The following ANKRD28 variants were observed in gnomAD, a reference collection of about 807,000 sequenced individuals.
ANKRD28 encodes the protein serine/threonine-protein phosphatase 6 regulatory ankyrin repeat subunit A.
In ANKRD28, 44 loss-of-function variants were observed where a neutral mutation model predicts 126.5. The ratio of observed to expected loss-of-function variants is 0.35; its 90% CI spans 0.27 to 0.45. The LOEUF (loss-of-function observed/expected upper bound fraction) is 0.45, where lower values mean the gene tolerates loss of function less well. Ranked by LOEUF, ANKRD28 falls within the 20% of genes least tolerant of loss-of-function variation. The pLI is 1.00. For missense variants in ANKRD28, 1,110 were observed against 1,316.6 expected, an observed-to-expected ratio of 0.84 and a Z score of 2.43; for synonymous variants, 442 against 468.5, an observed-to-expected ratio of 0.94 and a Z score of 0.73.
chr3:15,848,688 AT>A (rs1382317481), intron 1 of ANKRD28, among the ~76,000 whole-genome samples: 8 of 152,042 alleles, frequency 5.3e-5, no homozygotes, highest in South Asian at 2.1e-4. Context: ...AAAAAAAAAA[AT>A]ATAGCAGCAG....
At chr3:15,676,844 T>C in intron 26 of ANKRD28, 130 bp downstream of exon 26, 3 of 652,778 alleles carry the variant, frequency 4.6e-6, no homozygotes, top group South Asian at 2.4e-5. Flanking sequence ...GTTTTGACAG[T>C]TGTAAAACTA....
intron 7 of ANKRD28, among the ~76,000 whole-genome samples, chr3:15,721,479 A>T (rs1221553700): frequency 6.6e-6 from 1 of 152,212 alleles, no homozygotes; most frequent in Non-Finnish European, 1.5e-5. Flanking sequence ...TTATAATCAT[A>T]AAAAATGAAC....
chr3:15,682,563 T>C lies in ANKRD28; in HGVS notation c.2389+2663A>G, dbSNP rs528458417. Among the ~76,000 whole-genome samples, 11 of 152,364 alleles carry C rather than the reference T, an allele frequency of 7.2e-5. No individual in the cohort carries two copies. In the South Asian group the frequency reaches 2.3e-3, roughly 32 times the overall value. ...TTTTTTAAAGGAATAATAAGTATTC[T>C]TAAGTTCTGTGATTGAATGACTATA... On this transcript the variant is annotated intron_variant, in intron 21 of 27. Coordinates refer to ENST00000683139, the MANE Select transcript of ANKRD28 (RefSeq NM_001349278.2).
intron 14 of ANKRD28, among the ~76,000 whole-genome samples, chr3:15,701,192 T>G (rs755446641): frequency 3.1e-4 from 47 of 152,354 alleles, no homozygotes; most frequent in Non-Finnish European, 5.1e-4. Flanking sequence ...AACACTTATT[T>G]CTTTAAATGC....
chr3:15,842,410 A>G (rs2125973514), intron 1 of ANKRD28, among the ~76,000 whole-genome samples: 1 of 151,706 alleles, frequency 6.6e-6, no homozygotes, highest in African/African-American at 2.4e-5. Context: ...CCATCCTCTG[A>G]GACCCATCCT....
At chr3:15,713,382 CTT>C in intron 10 of ANKRD28, 143 bp downstream of exon 10, 1 of 599,696 alleles carries the variant, frequency 1.7e-6, no homozygotes, top group South Asian at 2.2e-5. Flanking sequence ...TAACCTACCA[CTT>C]TGTCAATACA....
At chr3:15,764,314 A>G (rs2058636251) in intron 3 of ANKRD28, among the ~76,000 whole-genome samples, 1 of 152,258 alleles carries the variant, frequency 6.6e-6, no homozygotes. Context: ...TACTTGGATT[A>G]TTCAGAAGAA....
At chr3:15,731,594 A>C (rs1201331701) in intron 6 of ANKRD28, among the ~76,000 whole-genome samples, 1 of 152,190 alleles carries the variant, frequency 6.6e-6, no homozygotes, top group Non-Finnish European at 1.5e-5. Flanking sequence ...CTTTGGTGTA[A>C]ACCACCATAC....
At chr3:15,856,158 G>GT (rs1375759011) in intron 1 of ANKRD28, among the ~76,000 whole-genome samples, 1 of 151,916 alleles carries the variant, frequency 6.6e-6, no homozygotes, top group African/African-American at 2.4e-5. Flanking sequence ...GTAGAGAGAG[G>GT]TTTTGTCTAG....
At chr3:15,708,998 T>C (rs991012130) in intron 13 of ANKRD28, among the ~76,000 whole-genome samples, 8 of 152,356 alleles carry the variant, frequency 5.3e-5, no homozygotes, top group African/African-American at 1.9e-4. Flanking sequence ...CCTTCAATTC[T>C]TTCCTGTATG....
rs2068376039 is a variant in ANKRD28, at chr3:15,688,251, G to A, written c.1963+1768C>T. On this transcript the variant is annotated intron_variant, in intron 18 of 27. Coordinates refer to ENST00000683139, the MANE Select transcript of ANKRD28 (RefSeq NM_001349278.2). ...AGCTATAGATTAATATTTTTAAAAT[G>A]TACTTATTTTTCACAGATCCCATCC... 3.9e-5 allele frequency among the ~76,000 whole-genome samples: 6 copies of A among 152,214 alleles called. No individual in the cohort carries two copies. The South Asian group carries it at 1.2e-3, about 32-fold the overall frequency.
intron 1 of ANKRD28, 97 bp downstream of exon 1, chr3:15,796,308 A>G (rs1279303166): frequency 1.4e-6 from 1 of 729,916 alleles, no homozygotes; most frequent in East Asian, 7.9e-5. Context: ...TTGGGTTTGT[A>G]AAGAAACTAT....
chr3:15,690,338 C>A (rs2068629373), intron 17 of ANKRD28, 118 bp from the exon 18 acceptor site: 3 of 819,442 alleles, frequency 3.7e-6, no homozygotes, highest in South Asian at 2.0e-5. Flanking sequence ...TTGAGATAAT[C>A]CAAACTTCTA....
chr3:15,768,146 T>C (rs550245761), intron 2 of ANKRD28, among the ~76,000 whole-genome samples: 87 of 152,294 alleles, frequency 5.7e-4, no homozygotes, highest in Non-Finnish European at 1.1e-3. Context: ...AAGTAGGTAG[T>C]ATATTTGGGG....
chr3:15,736,948 T>C (rs528559511), intron 5 of ANKRD28, 85 bp downstream of exon 5: 8 of 1,383,960 alleles, frequency 5.8e-6, no homozygotes, highest in South Asian at 1.2e-5. Flanking sequence ...CTGTATGCCT[T>C]TACTATGCAA....
Position 15,713,612 on chromosome 3 carries a change from C to G in ANKRD28, c.1105G>C (p.Gly369Arg), listed in dbSNP as rs958315628. Residue 369 changes from glycine (G) to arginine (R), a missense_variant, in exon 10 of 28, where the codon GGA becomes CGA. Coordinates refer to ENST00000683139, the MANE Select transcript of ANKRD28 (RefSeq NM_001349278.2). ...GAVIDCEDKN[G>R]NTPLHIAARY... is the part of the protein sequence containing the mutation. ...GCTGCTATGTGCAAAGGGGTATTTC[C>G]ATTCTTATCCTCACAGTCGATTACA... is the stretch of plus-strand genomic sequence containing the variant. The G allele has an allele frequency of 6.2e-7, 1 of 1,608,700 alleles. No homozygotes were observed. Among genetic ancestry groups the G allele is most frequent in the African/African-American group, 1.3e-5 (1 of 74,744 alleles).
At chr3:15,771,649 C>T (rs772187387) in intron 2 of ANKRD28, among the ~76,000 whole-genome samples, 35 of 152,102 alleles carry the variant, frequency 2.3e-4, no homozygotes, top group Non-Finnish European at 3.2e-4. Context: ...AAGGATCTGC[C>T]CCCATGATCC....
intron 1 of ANKRD28, among the ~76,000 whole-genome samples, chr3:15,857,113 T>C (rs796477506): frequency 3.3e-5 from 5 of 152,332 alleles, no homozygotes; most frequent in African/African-American, 9.6e-5. Context: ...TTCCAATGGC[T>C]AATAAAACAA....
chr3:15,807,975 C>T (rs918453510), intron 1 of ANKRD28, among the ~76,000 whole-genome samples: 1 of 152,188 alleles, frequency 6.6e-6, no homozygotes, highest in Non-Finnish European at 1.5e-5. Flanking sequence ...GTTGTAGGCA[C>T]TTTATGTACA....
Sources: allele counts gnomAD v4.1 joint callset (sites outside exome capture counted in the v4.1 genomes callset), GRCh38; gene constraint gnomAD v4.1.1; transcripts MANE v1.5; gene names NCBI Gene and HGNC (gene_info 2026-07-23, HGNC 2026-07-21).